The following TBC1D16 variants were observed in gnomAD, a reference collection of about 807,000 sequenced individuals.
TBC1D16 encodes the protein CTD-2529O21.1.
In TBC1D16, 58 loss-of-function variants were observed where a neutral mutation model predicts 74.7. The ratio of observed to expected loss-of-function variants is 0.78; its 90% CI spans 0.63 to 0.97. The LOEUF (loss-of-function observed/expected upper bound fraction) is 0.97, where lower values mean the gene tolerates loss of function less well. Among genes scored for constraint, TBC1D16 ranks in the 50% least tolerant of loss-of-function variants. The probability of loss-of-function intolerance (pLI) is 0.00; values close to 1 mark genes in which losing one functional copy is unlikely to be tolerated. For synonymous variants in TBC1D16, 493 were observed against 474.7 expected (o/e 1.04, Z -0.50); for missense variants, 1,014 against 1,079.5 (o/e 0.94, Z 0.85).
At position 79,937,093 on chromosome 17, in the gene TBC1D16, C is replaced by G. The variant is rs1034919338; in HGVS notation, c.*3766G>C. Reference sequence around the variant, plus strand: ...CCAGCAACCCCCTCCAAGGGTGGAGCCTTGGCACCCCCAGCCCCCACCCCG... The same window carrying G: ...CCAGCAACCCCCTCCAAGGGTGGAGGCTTGGCACCCCCAGCCCCCACCCCG... On this transcript the variant is annotated 3_prime_UTR_variant, in exon 12 of 12. Transcript: ENST00000310924. The G allele has an allele frequency of 6.6e-6, 1 of 152,008 alleles. No homozygotes were observed. Among genetic ancestry groups the G allele is most frequent in the African/African-American group, 2.4e-5 (1 of 41,384 alleles). 9.4% of individuals were successfully genotyped at this position (152,008 alleles called of 1,614,324 possible). A position where few individuals can be genotyped will look rare whatever the true frequency, so the allele number is the denominator to read the frequency against.
chr17:79,970,459 C>T (rs1348424560), intron 3 of TBC1D16, among the ~76,000 whole-genome samples: 1 of 152,172 alleles, frequency 6.6e-6, no homozygotes, highest in African/African-American at 2.4e-5. Context: ...CCGCTCTCTC[C>T]CGTCTGATTT....
At chr17:79,952,618 C>T (rs377716991) in intron 4 of TBC1D16, 39 bp downstream of exon 4, 1 of 1,553,330 alleles carries the variant, frequency 6.4e-7, no homozygotes, top group Non-Finnish European at 8.7e-7. Context: ...AAAACACACA[C>T]AGGCCAACTC....
chr17:80,000,271 T>C lies in TBC1D16; in HGVS notation c.779+9889A>G, dbSNP rs957397784. Among the ~76,000 whole-genome samples, 2 of 151,988 alleles carry C rather than the reference T, an allele frequency of 1.3e-5. No homozygotes were observed. Among genetic ancestry groups the C allele is most frequent in the Non-Finnish European group, 1.5e-5 (1 of 67,994 alleles). ...CTCCCAATGTGACCTTATTCAGAAA[T>C]AGGGTCTCAGCAGATGTCACCAAGC... On this transcript the variant is annotated intron_variant, in intron 3 of 11. Transcript: ENST00000310924. This position sits in a 1 kb window ranked among gnomAD's most constrained non-coding sequence, Gnocchi z 4.1.
intron 4 of TBC1D16, chr17:79,951,973 C>G (rs1224442462): frequency 5.7e-6 from 1 of 175,344 alleles, no homozygotes; most frequent in Admixed American, 6.0e-5. Context: ...AAGAGAACCT[C>G]CTGGGAACAG....
In TBC1D16 at chr17:80,027,924, T is replaced by C. The variant is rs192476127; in HGVS notation, c.-63+7871A>G. 4.2e-3 allele frequency among the ~76,000 whole-genome samples: 617 copies of C among 145,200 alleles called. 4 individuals are homozygous for C. Among genetic ancestry groups the C allele is most frequent in the African/African-American group, 0.015 (597 of 39,646 alleles). ...AAAAAAAAAAAAAAAGAGAAGCAGC[T>C]AAGGGTAGATCCTTGACAATAAGAA... On this transcript the variant is annotated intron_variant, in intron 1 of 11. Transcript: ENST00000310924.
intron 3 of TBC1D16, among the ~76,000 whole-genome samples, chr17:79,965,406 C>T (rs1035389145): frequency 1.3e-5 from 2 of 151,702 alleles, no homozygotes; most frequent in African/African-American, 2.4e-5. Context: ...AAAAAAGAAG[C>T]CTGTGTTTCT....
At chr17:79,965,895 C>T (rs1337954864) in intron 3 of TBC1D16, among the ~76,000 whole-genome samples, 2 of 152,342 alleles carry the variant, frequency 1.3e-5, no homozygotes, top group Middle Eastern at 3.4e-3. Flanking sequence ...GCACTGAGCC[C>T]GCCCCACACA....
rs1185036636 is a variant in TBC1D16 at position 79,975,903 on chromosome 17, C to T, written c.780-23085G>A. 1.3e-5 allele frequency among the ~76,000 whole-genome samples: 2 copies of T among 152,202 alleles called. No homozygotes were observed. The highest frequency in any genetic ancestry group is 1.3e-4 in the Admixed American group (2 of 15,290). ...GCAGCAGCAGCTCCGGCAGGCGGCT[C>T]TCCAGGCCACGAGATGGGCACAGAC... On this transcript the variant is annotated intron_variant, in intron 3 of 11. Transcript: ENST00000310924. The surrounding 1 kb of genome is among the most constrained non-coding windows in gnomAD (Gnocchi z 4.5).
Position 80,010,740 on chromosome 17 carries a change from T to G in TBC1D16, c.199A>C (p.Met67Leu). 4.7e-6 allele frequency: 7 copies of G among 1,497,976 alleles called. No individual in the cohort carries two copies. Among genetic ancestry groups the G allele is most frequent in the Non-Finnish European group, 6.2e-6 (7 of 1,126,124 alleles). 92.8% of individuals were successfully genotyped at this position (1,497,976 alleles called of 1,614,324 possible). ...GCTCCCAGCATCTCATCCTTCTCCA[T>G]GTACAAGCACAGGTAACCTGTGAGG... The part of the protein sequence containing the change: ...EHHPGYLCLY[M>L]EKDEMLGATL... The change falls in exon 3 of 12, where the codon ATG becomes CTG. Residue 67 changes from methionine to leucine, a missense_variant. Transcript: ENST00000310924. This position sits in a 1 kb window ranked among gnomAD's most constrained non-coding sequence, Gnocchi z 8.8.
At chr17:79,945,965 C>T (rs576680857) in intron 9 of TBC1D16, among the ~76,000 whole-genome samples, 11 of 152,308 alleles carry the variant, frequency 7.2e-5, no homozygotes, top group African/African-American at 2.4e-4. Context: ...GCCAGCCCTC[C>T]GCCCTGTGGC....
In TBC1D16 at chr17:80,001,831, C is replaced by T. The variant is rs2144599916; in HGVS notation, c.779+8329G>A. On this transcript the variant is annotated intron_variant, in intron 3 of 11. Coordinates refer to ENST00000310924, the MANE Select transcript of TBC1D16 (RefSeq NM_019020.4). This position sits in a 1 kb window ranked among gnomAD's most constrained non-coding sequence, Gnocchi z 5.8. ...CTGTCTCTTGCCCTGGACCCTCTCACATGCCCTTCCCTCCACCCCCCGCCT... is the reference window on the plus strand; with the variant it reads ...CTGTCTCTTGCCCTGGACCCTCTCATATGCCCTTCCCTCCACCCCCCGCCT... 6.6e-6 allele frequency among the ~76,000 whole-genome samples: 1 copy of T among 151,568 alleles called. No individual in the cohort carries two copies. The highest frequency in any genetic ancestry group is 2.1e-4 in the South Asian group (1 of 4,778).
chr17:79,998,843 C>T (rs1302839640), intron 3 of TBC1D16, among the ~76,000 whole-genome samples: 4 of 152,130 alleles, frequency 2.6e-5, no homozygotes, highest in Admixed American at 6.5e-5. Flanking sequence ...CAAACACCTG[C>T]GTGCAGGTTT....
rs1298102075 is a variant in TBC1D16 at position 79,950,315 on chromosome 17, G to A, written c.1257+96C>T. On this transcript the variant is annotated intron_variant, in intron 6 of 11. Coordinates refer to ENST00000310924, the MANE Select transcript of TBC1D16 (RefSeq NM_019020.4). This position sits in a 1 kb window ranked among gnomAD's most constrained non-coding sequence, Gnocchi z 4.6. Reference sequence around the variant, plus strand: ...TCACGAGGAGGTGGCCCGTGGGTGCGGGCGGGCGGCCAGGCCCCGGCCCTC... The same window carrying A: ...TCACGAGGAGGTGGCCCGTGGGTGCAGGCGGGCGGCCAGGCCCCGGCCCTC... 1 of 1,399,902 alleles carries A rather than the reference G, an allele frequency of 7.1e-7. No individual in the cohort carries two copies. Among genetic ancestry groups the A allele is most frequent in the South Asian group, 1.5e-5 (1 of 68,062 alleles). The allele number at this position is 1,399,902 out of a possible 1,614,324, so 86.7% of individuals were successfully genotyped here.
In TBC1D16 at chr17:79,938,661, TC is replaced by T. The variant is rs1159786150; in HGVS notation, c.*2197del. 1 of 152,196 alleles carries T rather than the reference TC, an allele frequency of 6.6e-6. No homozygotes were observed. The highest frequency in any genetic ancestry group is 1.5e-5 in the Non-Finnish European group (1 of 68,066). 9.4% of individuals were successfully genotyped at this position (152,196 alleles called of 1,614,324 possible). A position where few individuals can be genotyped will look rare whatever the true frequency, so the allele number is the denominator to read the frequency against. ...CTCCAGAGTCCCAGTTGTTTAGCCC[TC>T]CAAATTCTCAGCCTACTGCCACCCG... On this transcript the variant is annotated 3_prime_UTR_variant, in exon 12 of 12. Transcript: ENST00000310924.
At chr17:79,967,758 T>A (rs770436825) in intron 3 of TBC1D16, among the ~76,000 whole-genome samples, 13 of 152,132 alleles carry the variant, frequency 8.5e-5, no homozygotes, top group Admixed American at 5.9e-4. Flanking sequence ...CTAAAATTCA[T>A]ACGGAAATAC....
intron 9 of TBC1D16, 107 bp from the exon 10 acceptor site, chr17:79,945,194 A>G: frequency 8.0e-7 from 1 of 1,252,144 alleles, no homozygotes; most frequent in Non-Finnish European, 1.1e-6. Flanking sequence ...CAGCCTGGAA[A>G]AGCACACCCA....
rs1270375808 is a variant in TBC1D16, at chr17:80,019,976, C to T, written c.-62-6367G>A. On this transcript the variant is annotated intron_variant, in intron 1 of 11. Transcript: ENST00000310924. The stretch of plus-strand genomic sequence containing the variant: ...AGAATGAAACTGTTTTTGAAGACAG[C>T]ATCTTTATAGAGGTGATCAAGTTAC... Among the ~76,000 whole-genome samples, 2 of 149,936 alleles carry T rather than the reference C, an allele frequency of 1.3e-5. 1 individual carries two copies. The highest frequency in any genetic ancestry group is 5.1e-5 in the African/African-American group (2 of 39,326).
rs1225911531 is a variant in TBC1D16, at chr17:79,940,237, C to G, written c.*622G>C. The G allele has an allele frequency of 6.6e-6, 1 of 152,250 alleles. No homozygotes were observed. The allele number at this position is 152,250 out of a possible 1,614,324, so 9.4% of individuals were successfully genotyped here. A position where few individuals can be genotyped will look rare whatever the true frequency, so the allele number is the denominator to read the frequency against. ...CGCCAGCTCCTCAAGCCTGACTGCT[C>G]TTCCGCCTCTCTATCCCCACATCGG... On this transcript the variant is annotated 3_prime_UTR_variant, in exon 12 of 12. Coordinates refer to ENST00000310924, the MANE Select transcript of TBC1D16 (RefSeq NM_019020.4). This position sits in a 1 kb window ranked among gnomAD's most constrained non-coding sequence, Gnocchi z 5.4.
Position 80,017,010 on chromosome 17 carries a change from C to T in TBC1D16, c.-62-3401G>A, listed in dbSNP as rs183334633. Among the ~76,000 whole-genome samples the T allele has an allele frequency of 1.6e-4, 24 of 152,274 alleles. No homozygotes were observed. The East Asian group carries it at 4.6e-3, about 29-fold the overall frequency. On this transcript the variant is annotated intron_variant, in intron 1 of 11. Transcript: ENST00000310924. ...CAGCTCAGATCCTCACCTCCTCAGC[C>T]TTGAGCCACAGACGCCCTCTGCCTG...
Sources: gnomAD v4.1 joint callset for allele counts (sites outside exome capture counted in the v4.1 genomes callset) on GRCh38, gnomAD v4.1.1 for gene constraint, Gnocchi (gnomAD v3.1) non-coding constraint, MANE v1.5 for transcripts, NCBI Gene and HGNC (gene_info 2026-07-23, HGNC 2026-07-21) for gene names.